UNC13B: variants seen among roughly 807,000 people sequenced by gnomAD.
The protein encoded by UNC13B is unc-13 homolog B.
Under a neutral mutation model 211.0 loss-of-function variants are expected in UNC13B, and 144 were observed. That is an observed-to-expected ratio of 0.68 (90% CI 0.60 to 0.78). UNC13B has a LOEUF of 0.78. UNC13B is among the 30% of genes least tolerant of loss of function. The pLI is 0.00. For synonymous variants in UNC13B, 709 were observed against 725.8 expected, an observed-to-expected ratio of 0.98 and a Z score of 0.37; for missense variants, 1,777 against 2,002.0, an observed-to-expected ratio of 0.89 and a Z score of 2.14.
At chr9:35,327,942 A>C (rs1170795627) in intron 11 of UNC13B, among the ~76,000 whole-genome samples, 1 of 152,220 alleles carries the variant, frequency 6.6e-6, no homozygotes, top group African/African-American at 2.4e-5. Flanking sequence ...AAGGAATTCA[A>C]AAGATGAAGC....
chr9:35,372,211 G>T (rs1233265107), intron 13 of UNC13B, among the ~76,000 whole-genome samples: 1 of 152,236 alleles, frequency 6.6e-6, no homozygotes, highest in Non-Finnish European at 1.5e-5. Flanking sequence ...GGCGGAAGTT[G>T]CAATGAGCTG....
intron 1 of UNC13B, among the ~76,000 whole-genome samples, chr9:35,186,010 G>A (rs62543164): frequency 0.19 from 28,237 of 151,654 alleles, 2,935 homozygotes; most frequent in Non-Finnish European, 0.24. Flanking sequence ...TTGGCCAAGG[G>A]AAACCCAAAG....
intron 11 of UNC13B, among the ~76,000 whole-genome samples, chr9:35,346,217 T>C (rs575208905): frequency 3.9e-4 from 60 of 152,294 alleles, no homozygotes; most frequent in African/African-American, 1.4e-3. Context: ...CTGTCCTCTG[T>C]TGGGGGCTCA....
intron 1 of UNC13B, among the ~76,000 whole-genome samples, chr9:35,188,035 A>G (rs1238738006): frequency 6.6e-6 from 1 of 152,232 alleles, no homozygotes; most frequent in Admixed American, 6.5e-5. Context: ...AATAAGTTTC[A>G]TTGACTCTGA....
Position 35,307,662 on chromosome 9 carries a change from C to T in UNC13B, c.8258C>T (p.Pro2753Leu), listed in dbSNP as rs1055392466. The T allele has an allele frequency of 1.0e-5, 4 of 398,836 alleles. No individual in the cohort carries two copies. The Admixed American group carries it at 1.8e-4, about 18-fold the overall frequency. The allele number at this position is 398,836 out of a possible 1,614,324, so 24.7% of individuals were successfully genotyped here. A position where few individuals can be genotyped will look rare whatever the true frequency, so the allele number is the denominator to read the frequency against. ...IHAQKDPPVV[P>L]QETEQSRPRF... ...GCCCAGAAAGATCCACCTGTAGTAC[C>T]CCAGGAAACAGAGCAGTCAAGACCA... The change falls in exon 9 of 40, where the codon CCC becomes CTC. Residue 2753 changes from proline (P) to leucine (L), a missense_variant. By Grantham distance (98) the Pro-to-Leu change is moderately conservative. Coordinates refer to ENST00000635942, the MANE Select transcript of UNC13B (RefSeq NM_001371189.2).
At chr9:35,292,309 C>T (rs1253747048) in intron 7 of UNC13B, among the ~76,000 whole-genome samples, 1 of 152,164 alleles carries the variant, frequency 6.6e-6, no homozygotes. Context: ...GGTTAGATGA[C>T]CTTCCCAGCC....
At chr9:35,176,424 T>C (rs528893395) in intron 1 of UNC13B, among the ~76,000 whole-genome samples, 1 of 152,212 alleles carries the variant, frequency 6.6e-6, no homozygotes, top group South Asian at 2.1e-4. Flanking sequence ...GGCAGGCGCC[T>C]GTAATCCCAG....
intron 6 of UNC13B, among the ~76,000 whole-genome samples, chr9:35,253,315 AT>A (rs1257123024): frequency 1.3e-5 from 2 of 151,856 alleles, no homozygotes; most frequent in East Asian, 3.9e-4. Context: ...CTAGTTTTTA[AT>A]TTTTTTGTGG....
chr9:35,259,930 C>T (rs1405194566), intron 7 of UNC13B, among the ~76,000 whole-genome samples: 1 of 144,486 alleles, frequency 6.9e-6, no homozygotes, highest in Non-Finnish European at 1.5e-5. Flanking sequence ...ATAATAAGAA[C>T]TGTAGGCTGG....
chr9:35,347,706 G>A (rs1480707605), intron 11 of UNC13B, among the ~76,000 whole-genome samples: 1 of 152,180 alleles, frequency 6.6e-6, no homozygotes, highest in Non-Finnish European at 1.5e-5. Flanking sequence ...TAATATGGAA[G>A]GAAGCATCTT....
intron 1 of UNC13B, among the ~76,000 whole-genome samples, chr9:35,207,370 C>T (rs1823716000): frequency 6.6e-6 from 1 of 151,988 alleles, no homozygotes; most frequent in Non-Finnish European, 1.5e-5. Context: ...AGCAGTACTC[C>T]CACTCCAGTC....
chr9:35,235,928 G>A (rs1440183627), intron 3 of UNC13B, among the ~76,000 whole-genome samples: 1 of 152,042 alleles, frequency 6.6e-6, no homozygotes, highest in East Asian at 1.9e-4. Context: ...GTCTAATTAT[G>A]ATTGTATCTC....
intron 7 of UNC13B, among the ~76,000 whole-genome samples, chr9:35,270,339 A>G (rs1030784168): frequency 2.9e-4 from 44 of 150,358 alleles, no homozygotes; most frequent in African/African-American, 9.3e-4. Context: ...ATGTATATAT[A>G]TGTGTGTGTG....
At chr9:35,258,454 C>T (rs373288587) in intron 6 of UNC13B, among the ~76,000 whole-genome samples, 13 of 152,054 alleles carry the variant, frequency 8.5e-5, no homozygotes, top group Admixed American at 2.0e-4. Flanking sequence ...GGTGGGATGG[C>T]GGAGGTTACA....
At chr9:35,325,035 A>T (rs1197654819) in intron 11 of UNC13B, among the ~76,000 whole-genome samples, 1 of 152,162 alleles carries the variant, frequency 6.6e-6, no homozygotes, top group Non-Finnish European at 1.5e-5. Context: ...AACCCACTAG[A>T]TGTGATTGGG....
intron 5 of UNC13B, among the ~76,000 whole-genome samples, chr9:35,240,734 ATTC>A (rs1283768458): frequency 6.6e-6 from 1 of 152,096 alleles, no homozygotes; most frequent in Non-Finnish European, 1.5e-5. Flanking sequence ...AATAGACATT[ATTC>A]TTCTACTTTT....
chr9:35,364,751 C>T (rs914350399), intron 11 of UNC13B, among the ~76,000 whole-genome samples: 2 of 152,140 alleles, frequency 1.3e-5, no homozygotes, highest in African/African-American at 4.8e-5. Context: ...GTGCATGCTC[C>T]TTGCTTGTGT....
chr9:35,268,606 G>A (rs1432142840), intron 7 of UNC13B, among the ~76,000 whole-genome samples: 1 of 152,156 alleles, frequency 6.6e-6, no homozygotes, highest in Non-Finnish European at 1.5e-5. Context: ...GCGACAGAGC[G>A]AGACTCTGTC....
intron 13 of UNC13B, among the ~76,000 whole-genome samples, chr9:35,372,327 A>C (rs952555550): frequency 2.0e-5 from 3 of 152,222 alleles, no homozygotes; most frequent in Non-Finnish European, 4.4e-5. Context: ...GGCCCTTCCC[A>C]GCTGTTCCTC....
Sources: allele counts gnomAD v4.1 joint callset (sites outside exome capture counted in the v4.1 genomes callset), GRCh38; gene constraint gnomAD v4.1.1; transcripts MANE v1.5; gene names NCBI Gene and HGNC (gene_info 2026-07-23, HGNC 2026-07-21).